Variants in GALNT10 observed in about 807,000 individuals in gnomAD.
GALNT10 encodes GalNAc transferase 10.
A neutral mutation model predicts 75.0 loss-of-function variants in GALNT10; 41 were observed. The ratio of observed to expected loss-of-function variants is 0.55; its 90% CI spans 0.43 to 0.71. The LOEUF is 0.71. Ranked by LOEUF, GALNT10 falls within the 30% of genes least tolerant of loss-of-function variation. GALNT10 has a pLI of 0.00. For missense variants in GALNT10, 727 were observed against 818.5 expected, an observed-to-expected ratio of 0.89 and a Z score of 1.36; for synonymous variants, 302 against 313.0, an observed-to-expected ratio of 0.96 and a Z score of 0.37.
intron 1 of GALNT10, among the ~76,000 whole-genome samples, chr5:154,250,040 G>T (rs939834641): frequency 1.2e-4 from 19 of 152,310 alleles, no homozygotes; most frequent in Admixed American, 3.3e-4. Flanking sequence ...GGTGTTTTCT[G>T]CAGGCAACTG....
chr5:154,216,780 A>AT (rs1479716922), intron 1 of GALNT10, among the ~76,000 whole-genome samples: 2 of 152,318 alleles, frequency 1.3e-5, no homozygotes, highest in African/African-American at 4.8e-5. Flanking sequence ...GGTGGACTAT[A>AT]TAACAAGATC....
chr5:154,256,205 T>C (rs1449129275), intron 1 of GALNT10, among the ~76,000 whole-genome samples: 2 of 151,844 alleles, frequency 1.3e-5, no homozygotes, highest in African/African-American at 4.8e-5. Flanking sequence ...ATCCCCGGGG[T>C]CATCTCTGCC....
At chr5:154,223,237 A>G (rs1033982887) in intron 1 of GALNT10, among the ~76,000 whole-genome samples, 34 of 152,344 alleles carry the variant, frequency 2.2e-4, no homozygotes, top group African/African-American at 7.7e-4. Context: ...TCATTATTGC[A>G]TGCGTGATCT....
chr5:154,367,621 G>A (rs768564632), intron 4 of GALNT10, among the ~76,000 whole-genome samples: 2 of 152,154 alleles, frequency 1.3e-5, no homozygotes, highest in African/African-American at 2.4e-5. Context: ...TTGGGAGGCC[G>A]AGGTGGGCGG....
At chr5:154,363,929 A>T (rs1755435821) in intron 4 of GALNT10, among the ~76,000 whole-genome samples, 2 of 152,124 alleles carry the variant, frequency 1.3e-5, no homozygotes, top group Non-Finnish European at 2.9e-5. Flanking sequence ...CAAGCAAAAT[A>T]TGTTAAGTTA....
intron 1 of GALNT10, among the ~76,000 whole-genome samples, chr5:154,212,627 CACAGCTTGTAAGTGAGTGAGTT>C (rs1398522906): frequency 9.2e-5 from 14 of 152,180 alleles, no homozygotes; most frequent in South Asian, 4.1e-4. Flanking sequence ...AGCACGATGG[CACAGCTTGTAAGTGAGTGAGTT>C]ACAGCTTGTA....
chr5:154,362,474 G>A (rs562097906), intron 4 of GALNT10, among the ~76,000 whole-genome samples: 1 of 152,306 alleles, frequency 6.6e-6, no homozygotes, highest in African/African-American at 2.4e-5. Flanking sequence ...TACAGGGGTA[G>A]ATAAAACAGG....
chr5:154,321,502 A>G (rs1156953465), intron 3 of GALNT10, among the ~76,000 whole-genome samples: 1 of 151,504 alleles, frequency 6.6e-6, no homozygotes, highest in Non-Finnish European at 1.5e-5. Context: ...TGTTTTTTTT[A>G]TTTTTGTAGA....
At chr5:154,305,469 C>T (rs1035603214) in intron 3 of GALNT10, among the ~76,000 whole-genome samples, 1 of 152,126 alleles carries the variant, frequency 6.6e-6, no homozygotes, top group African/African-American at 2.4e-5. Flanking sequence ...CTGCAAGAAA[C>T]ACACTTTAAA....
At chr5:154,242,642 G>A (rs565325222) in intron 1 of GALNT10, among the ~76,000 whole-genome samples, 3 of 152,268 alleles carry the variant, frequency 2.0e-5, no homozygotes, top group South Asian at 2.1e-4. Context: ...CTCAATGACC[G>A]TGGGCACTTG....
chr5:154,416,268 C>T lies in GALNT10; in HGVS notation c.1653+336C>T, dbSNP rs1219084238. 1.3e-5 allele frequency among the ~76,000 whole-genome samples: 2 copies of T among 151,404 alleles called. No homozygotes were observed. Among genetic ancestry groups the T allele is most frequent in the Admixed American group, 6.6e-5 (1 of 15,190 alleles). On this transcript the variant is annotated intron_variant, in intron 11 of 11. Coordinates refer to ENST00000297107, the MANE Select transcript of GALNT10 (RefSeq NM_198321.4). The surrounding 1 kb of genome is among the most constrained non-coding windows in gnomAD (Gnocchi z 4.5). Reference sequence around the variant, plus strand: ...TAGCCTGGCCAACATGGTGAAACCCCGTCTCTATACAAAAATCAGCCAGAC... The same window carrying T: ...TAGCCTGGCCAACATGGTGAAACCCTGTCTCTATACAAAAATCAGCCAGAC...
Position 154,319,898 on chromosome 5 carries a change from C to A in GALNT10, c.402-9674C>A, listed in dbSNP as rs561955990. ...GGCTTTCTATTTTCTTCTGTGTCGT[C>A]CCCAGGTCCCCTTTGTCTGCTGTGA... On this transcript the variant is annotated intron_variant, in intron 3 of 11. Coordinates refer to ENST00000297107, the MANE Select transcript of GALNT10 (RefSeq NM_198321.4). Among the ~76,000 whole-genome samples the A allele has an allele frequency of 3.9e-5, 6 of 152,308 alleles. No homozygotes were observed. In the South Asian group the frequency reaches 1.2e-3, roughly 32 times the overall value.
chr5:154,190,823 G>T lies in GALNT10; in HGVS notation c.-44G>T. ...CGGGCGGACGCGCGGAGCTGGGGGC[G>T]GCGCGGCGGGGCCGGCGGGGCGCGG... On this transcript the variant is annotated 5_prime_UTR_variant, in exon 1 of 12. Coordinates refer to ENST00000297107, the MANE Select transcript of GALNT10 (RefSeq NM_198321.4). 1 of 1,035,740 alleles carries T rather than the reference G, an allele frequency of 9.7e-7. No homozygotes were observed. Among genetic ancestry groups the T allele is most frequent in the Non-Finnish European group, 1.2e-6 (1 of 849,442 alleles). 64.2% of individuals were successfully genotyped at this position (1,035,740 alleles called of 1,614,324 possible).
intron 1 of GALNT10, among the ~76,000 whole-genome samples, chr5:154,244,640 G>A (rs201906947): frequency 3.2e-4 from 48 of 152,198 alleles, no homozygotes; most frequent in East Asian, 1.9e-3. Flanking sequence ...GTGATAATCC[G>A]GCAGACAGCA....
intron 4 of GALNT10, among the ~76,000 whole-genome samples, chr5:154,359,631 G>A (rs1456954538): frequency 3.3e-5 from 5 of 151,384 alleles, no homozygotes; most frequent in African/African-American, 4.9e-5. Flanking sequence ...CCCTACCAGA[G>A]ATTCTTGGGG....
intron 3 of GALNT10, among the ~76,000 whole-genome samples, chr5:154,322,821 G>A (rs1406595652): frequency 1.3e-5 from 2 of 152,222 alleles, no homozygotes; most frequent in Non-Finnish European, 2.9e-5. Context: ...TTTCCTGCAA[G>A]AGAATCACAC....
intron 3 of GALNT10, among the ~76,000 whole-genome samples, chr5:154,325,577 T>C (rs960395334): frequency 2.7e-5 from 4 of 150,062 alleles, no homozygotes; most frequent in African/African-American, 9.9e-5. Context: ...TCAGTGTAAA[T>C]ACATCATATT....
intron 1 of GALNT10, among the ~76,000 whole-genome samples, chr5:154,213,268 C>A (rs978928602): frequency 1.3e-5 from 2 of 152,122 alleles, no homozygotes; most frequent in Non-Finnish European, 2.9e-5. Flanking sequence ...ACTACAGCTA[C>A]CACTCTTCAT....
Position 154,220,182 on chromosome 5 carries a change from G to C in GALNT10, c.159+29157G>C, listed in dbSNP as rs1439897760. 2.0e-5 allele frequency: 3 copies of C among 152,256 alleles called. No individual in the cohort carries two copies. In the South Asian group the frequency reaches 6.2e-4, roughly 32 times the overall value. The allele number at this position is 152,256 out of a possible 1,614,324, so 9.4% of individuals were successfully genotyped here. ...ATTTTTGTTTTGGAAATGATTTTTA[G>C]AGAAGATGAATTATCCTGTCTGATG... On this transcript the variant is annotated intron_variant, in intron 1 of 11. Transcript: ENST00000297107.
Sources: allele counts gnomAD v4.1 joint callset (sites outside exome capture counted in the v4.1 genomes callset), GRCh38; gene constraint gnomAD v4.1.1; non-coding constraint Gnocchi (gnomAD v3.1); transcripts MANE v1.5; gene names NCBI Gene and HGNC (gene_info 2026-07-23, HGNC 2026-07-21).